The following MAP7D3 variants were observed in gnomAD, a reference collection of about 807,000 sequenced individuals.
MAP7D3 encodes MAP7 domain-containing protein 3.
A neutral mutation model predicts 62.2 loss-of-function variants in MAP7D3; 45 were observed. The observed-to-expected ratio is 0.72, with a 90% CI of 0.57 to 0.93. The LOEUF is 0.93. MAP7D3 is among the 40% of genes least tolerant of loss of function. The pLI, the probability that MAP7D3 is intolerant of heterozygous loss-of-function variation, is 0.00. For synonymous variants in MAP7D3, 288 were observed against 248.8 expected (o/e 1.16, Z -1.48); for missense variants, 711 against 683.1 (o/e 1.04, Z -0.45).
chrX:136,242,107 G>A (rs1370667483), intron 4 of MAP7D3, among the ~76,000 whole-genome samples: 4 of 111,517 alleles, frequency 3.6e-5, no homozygotes, highest in South Asian at 3.8e-4. Context: ...AAAGATAAAC[G>A]TACTAGGAAA....
chrX:136,254,354 G>A (rs145913799), upstream of MAP7D3, among the ~76,000 whole-genome samples: 883 of 110,717 alleles, frequency 8.0e-3, 6 homozygotes, highest in African/African-American at 0.027. Context: ...CAGAGTGCTG[G>A]GATTACAGAT....
In MAP7D3 at chrX:136,244,779, T is replaced by C; in HGVS notation, c.270A>G (p.Gln90=). The change falls in exon 4 of 19, where the codon CAA becomes CAG. Residue 90 remains glutamine (Q), a synonymous_variant. Transcript: ENST00000316077. Reference sequence around the variant, plus strand: ...TGGTCTTTCTTTCTTTTTCAAGTAGTTGTGTTTCTTTATTGGCTGAAATAT... The same window carrying C: ...TGGTCTTTCTTTCTTTTTCAAGTAGCTGTGTTTCTTTATTGGCTGAAATAT... The part of the protein sequence containing the change: ...RRQQDANKET[Q]LLEKERKTKL... The C allele has an allele frequency of 4.2e-6, 5 of 1,190,653 alleles. No individual in the cohort carries two copies. The highest frequency in any genetic ancestry group is 3.5e-5 in the African/African-American group (2 of 56,842).
chrX:136,220,928 T>C lies in MAP7D3; in HGVS notation c.2323A>G (p.Lys775Glu). 1 of 1,207,681 alleles carries C rather than the reference T, an allele frequency of 8.3e-7. No homozygotes were observed. Among genetic ancestry groups the C allele is most frequent in the South Asian group, 1.8e-5 (1 of 56,892 alleles). The part of the protein sequence containing the change: ...LNGTGSPTKF[K>E]MPFNNAKKMT... ...TTCTTGGCATTGTTGAACGGCATTT[T>C]AAATTTGGTAGGTGAGCCTGTGCCA... is the stretch of plus-strand genomic sequence containing the variant. Residue 775 changes from lysine to glutamate, a missense_variant, in exon 16 of 19, where the codon AAA (lysine) becomes GAA (glutamate). Physicochemically the swap from Lys to Glu is moderately conservative, Grantham distance 56 (BLOSUM62 1). Coordinates refer to ENST00000316077, the MANE Select transcript of MAP7D3 (RefSeq NM_024597.4).
intron 4 of MAP7D3, among the ~76,000 whole-genome samples, chrX:136,242,645 A>T (rs2074402609): frequency 1.8e-5 from 2 of 110,459 alleles, no homozygotes; most frequent in Admixed American, 1.9e-4. Context: ...ATTCTCTTCT[A>T]TTCTCTGTGT....
intron 8 of MAP7D3, 49 bp from the exon 9 acceptor site, chrX:136,231,015 A>C (rs764887016): frequency 1.0e-6 from 1 of 985,306 alleles, no homozygotes; most frequent in Non-Finnish European, 1.3e-6. Context: ...CAATTCTTTT[A>C]CTGCAGCTGG....
chrX:136,215,295 T>C (rs1321451319), downstream of MAP7D3, among the ~76,000 whole-genome samples: 1 of 111,987 alleles, frequency 8.9e-6, no homozygotes, highest in African/African-American at 3.2e-5. Context: ...CTGTATTTAC[T>C]GTGGCTCCCC....
intron 6 of MAP7D3, among the ~76,000 whole-genome samples, chrX:136,239,899 T>C (rs187260675): frequency 1.6e-4 from 18 of 111,983 alleles, no homozygotes; most frequent in African/African-American, 5.5e-4. Context: ...ACAAACATCA[T>C]GAAACAAGTA....
At chrX:136,230,308 A>G (rs764966769) in intron 10 of MAP7D3, 77 bp downstream of exon 10, 94 of 592,370 alleles carry the variant, frequency 1.6e-4, no homozygotes, top group Non-Finnish European at 2.3e-4. Flanking sequence ...TTGGGGAATA[A>G]AATGAAGTGA....
At chrX:136,252,772 A>G (rs1407313484), upstream of MAP7D3, among the ~76,000 whole-genome samples, 1 of 109,842 alleles carries the variant, frequency 9.1e-6, no homozygotes, top group Admixed American at 9.7e-5. Flanking sequence ...AACGTGGTCA[A>G]TAAGTGTTTG....
chrX:136,250,982 G>C (rs2074501045), intron 1 of MAP7D3, among the ~76,000 whole-genome samples: 1 of 111,676 alleles, frequency 9.0e-6, no homozygotes, highest in Non-Finnish European at 1.9e-5. Context: ...CCCGCCCGTC[G>C]AAGCAGAGCC....
At position 136,236,326 on chromosome X, in the gene MAP7D3, C is replaced by G; in HGVS notation, c.654G>C (p.Lys218Asn). The G allele has an allele frequency of 8.6e-7, 1 of 1,164,601 alleles. No homozygotes were observed. Among genetic ancestry groups the G allele is most frequent in the Non-Finnish European group, 1.2e-6 (1 of 858,181 alleles). The change falls in exon 7 of 19, where the codon AAG (lysine) becomes AAC (asparagine). Residue 218 changes from lysine (K) to asparagine (N), a missense_variant. By Grantham distance (94) the Lys-to-Asn change is moderately conservative (BLOSUM62 0). Coordinates refer to ENST00000316077, the MANE Select transcript of MAP7D3 (RefSeq NM_024597.4). ...QNSVAKRKTD[K>N]ERSSSLNRRD... ...TTCTATTTAAAGATGAGCTTCTCTC[C>G]TTGTCTGTTTTCCCTAGAGAGCAAG...
chrX:136,235,543 G>A (rs2074319670), intron 7 of MAP7D3, among the ~76,000 whole-genome samples: 1 of 111,769 alleles, frequency 8.9e-6, no homozygotes, highest in African/African-American at 3.3e-5. Context: ...GAGGTCAGGA[G>A]TTCAAGACCA....
Position 136,244,542 on chromosome X carries a change from C to CA in MAP7D3, c.417+89dup, listed in dbSNP as rs1244459039. 3 of 825,400 alleles carry CA rather than the reference C, an allele frequency of 3.6e-6. No individual in the cohort carries two copies. The East Asian group carries it at 9.5e-5, about 26-fold the overall frequency. The allele number at this position is 825,400 out of a possible 1,213,427, so 68.0% of individuals were successfully genotyped here. A position where few individuals can be genotyped will look rare whatever the true frequency, so the allele number is the denominator to read the frequency against. On this transcript the variant is annotated intron_variant, in intron 4 of 18. Coordinates refer to ENST00000316077, the MANE Select transcript of MAP7D3 (RefSeq NM_024597.4). ...TGGGATTGGTTCCCTTTCTACAGGG[C>CA]AAGTAAGGCAGAGAAGGCCTGAGAA...
chrX:136,236,208 A>T, intron 7 of MAP7D3, 36 bp downstream of exon 7: 1 of 870,684 alleles, frequency 1.1e-6, no homozygotes, highest in Non-Finnish European at 1.6e-6. Context: ...CCTCTTTTAA[A>T]TCACTATTTA....
chrX:136,244,062 C>T (rs751841616), intron 4 of MAP7D3, among the ~76,000 whole-genome samples: 1 of 111,581 alleles, frequency 9.0e-6, no homozygotes, highest in African/African-American at 3.3e-5. Flanking sequence ...CTGAACCACA[C>T]ATCCAGAGGG....
At chrX:136,226,912 T>G (rs939827709) in intron 12 of MAP7D3, among the ~76,000 whole-genome samples, 2 of 110,618 alleles carry the variant, frequency 1.8e-5, no homozygotes, top group African/African-American at 6.6e-5. Flanking sequence ...GCGGATCACC[T>G]GAGGTCAGGA....
At chrX:136,242,693 T>C (rs947872345) in intron 4 of MAP7D3, among the ~76,000 whole-genome samples, 5 of 111,666 alleles carry the variant, frequency 4.5e-5, no homozygotes, top group African/African-American at 1.6e-4. Flanking sequence ...AGATAGTCTT[T>C]ATTTTTTGGT....
chrX:136,243,626 C>CG (rs1196829401), intron 4 of MAP7D3, among the ~76,000 whole-genome samples: 1 of 109,361 alleles, frequency 9.1e-6, no homozygotes, highest in Non-Finnish European at 1.9e-5. Flanking sequence ...TTGCTTGAAC[C>CG]GGGGGGGCAG....
chrX:136,217,187 GCATA>G lies in MAP7D3; in HGVS notation c.*1335_*1338del, dbSNP rs2148393987. 1 of 112,218 alleles carries G rather than the reference GCATA, an allele frequency of 8.9e-6. No individual in the cohort carries two copies. Among genetic ancestry groups the G allele is most frequent in the East Asian group, 2.8e-4 (1 of 3,576 alleles). 9.2% of individuals were successfully genotyped at this position (112,218 alleles called of 1,213,427 possible). On this transcript the variant is annotated 3_prime_UTR_variant, in exon 19 of 19. Transcript: ENST00000316077. ...TTTTATGGAATCATATACTGTGTGT[GCATA>G]CATACGTGTATGTACATCTGTGTGC...
Sources: gnomAD v4.1 joint callset for allele counts (sites outside exome capture counted in the v4.1 genomes callset) on GRCh38, gnomAD v4.1.1 for gene constraint, MANE v1.5 for transcripts, NCBI Gene and HGNC (gene_info 2026-07-23, HGNC 2026-07-21) for gene names.